Variants in ACSM1 observed in about 807,000 individuals in gnomAD.
The protein encoded by ACSM1 is acyl-coenzyme A synthetase ACSM1, mitochondrial.
A neutral mutation model predicts 75.8 loss-of-function variants in ACSM1; 79 were observed. That is an observed-to-expected ratio of 1.04 (90% confidence interval 0.87 to 1.26). The LOEUF (loss-of-function observed/expected upper bound fraction) is 1.26, where lower values mean the gene tolerates loss of function less well. Among genes scored for constraint, ACSM1 ranks in the 50% most tolerant of loss-of-function variants. The pLI, the probability that ACSM1 is intolerant of heterozygous loss-of-function variation, is 0.00. For missense variants in ACSM1, 676 were observed against 720.1 expected (o/e 0.94, Z 0.70); for synonymous variants, 279 against 265.8 (o/e 1.05, Z -0.48).
At chr16:20,672,917 CAT>C (rs71377676) in intron 4 of ACSM1, among the ~76,000 whole-genome samples, 14,038 of 128,624 alleles carry the variant, frequency 0.11, 861 homozygotes, top group East Asian at 0.21. Context: ...ATATATAAAA[CAT>C]ATTACATATA....
chr16:20,625,322 G>A lies in ACSM1; in HGVS notation c.1527+101C>T, dbSNP rs2016853835. ...CCGTGTAAACGCACATGCACACTATGCCCTTCCACCAAGGCTGCACAGGTA... is the reference window on the plus strand; with the variant it reads ...CCGTGTAAACGCACATGCACACTATACCCTTCCACCAAGGCTGCACAGGTA... On this transcript the variant is annotated intron_variant, in intron 12 of 13. Transcript: ENST00000520010. 7.0e-6 allele frequency: 8 copies of A among 1,135,006 alleles called. 1 individual carries two copies. In the South Asian group the frequency reaches 8.7e-5, roughly 12 times the overall value. The allele number at this position is 1,135,006 out of a possible 1,614,324, so 70.3% of individuals were successfully genotyped here. A position where few individuals can be genotyped will look rare whatever the true frequency, so the allele number is the denominator to read the frequency against.
At chr16:20,660,309 G>T (rs1430297131) in intron 7 of ACSM1, among the ~76,000 whole-genome samples, 2 of 152,286 alleles carry the variant, frequency 1.3e-5, no homozygotes, top group East Asian at 3.9e-4. Context: ...AAGCCAGCTG[G>T]ATGCATCTAG....
intron 3 of ACSM1, among the ~76,000 whole-genome samples, chr16:20,683,152 C>G (rs985304681): frequency 6.6e-6 from 1 of 151,856 alleles, no homozygotes; most frequent in Admixed American, 6.6e-5. Context: ...GAGTCTCCCC[C>G]TGTCACCCAG....
intron 7 of ACSM1, among the ~76,000 whole-genome samples, chr16:20,647,093 T>C (rs2018409574): frequency 6.6e-6 from 1 of 152,248 alleles, no homozygotes. Context: ...CTGTTTCTCA[T>C]TATCAGTGGC....
At position 20,682,540 on chromosome 16, in the gene ACSM1, G is replaced by C. The variant is rs9927399; in HGVS notation, c.404-77C>G. ...GCTTTAGACTTGGCTTGTCTGCATCGAAATACCCTAACTTCTTGTTATGTA... is the reference window on the plus strand; with the variant it reads ...GCTTTAGACTTGGCTTGTCTGCATCCAAATACCCTAACTTCTTGTTATGTA... On this transcript the variant is annotated intron_variant, in intron 3 of 13. Transcript: ENST00000520010. 4 of 1,144,128 alleles carry C rather than the reference G, an allele frequency of 3.5e-6. No individual in the cohort carries two copies. In the East Asian group the frequency reaches 9.7e-5, roughly 28 times the overall value. The allele number at this position is 1,144,128 out of a possible 1,614,324, so 70.9% of individuals were successfully genotyped here.
At chr16:20,689,410 G>T (rs934360236) in intron 2 of ACSM1, among the ~76,000 whole-genome samples, 1 of 151,924 alleles carries the variant, frequency 6.6e-6, no homozygotes, top group African/African-American at 2.4e-5. Flanking sequence ...AAAGCTATAA[G>T]ACATCAAGAA....
chr16:20,649,367 A>G (rs1392854731), intron 7 of ACSM1, among the ~76,000 whole-genome samples: 2 of 152,194 alleles, frequency 1.3e-5, no homozygotes, highest in African/African-American at 4.8e-5. Flanking sequence ...TTTACCCCTG[A>G]ACATATTTCT....
chr16:20,691,399 C>A lies in ACSM1; in HGVS notation c.-51-160G>T, dbSNP rs2079650473. Reference sequence around the variant, plus strand: ...TTTTGGTGGGGATTTATCTTCCCAGCTGAGGAACCACATGGCAGAAAACGC... The same window carrying A: ...TTTTGGTGGGGATTTATCTTCCCAGATGAGGAACCACATGGCAGAAAACGC... On this transcript the variant is annotated intron_variant, in intron 1 of 13. Transcript: ENST00000520010. 8.0e-6 allele frequency: 4 copies of A among 502,032 alleles called. No homozygotes were observed. The Admixed American group carries it at 1.2e-4, about 16-fold the overall frequency. 31.1% of individuals were successfully genotyped at this position (502,032 alleles called of 1,614,324 possible).
chr16:20,675,724 A>C (rs964549172), intron 4 of ACSM1, among the ~76,000 whole-genome samples: 1 of 152,216 alleles, frequency 6.6e-6, no homozygotes, highest in African/African-American at 2.4e-5. Context: ...GTGTGTTTTA[A>C]GGTAGTGACT....
chr16:20,644,461 A>T (rs1357677566), intron 7 of ACSM1, among the ~76,000 whole-genome samples: 1 of 152,160 alleles, frequency 6.6e-6, no homozygotes, highest in African/African-American at 2.4e-5. Context: ...TCTTAATTAC[A>T]TACAGAGGAC....
At chr16:20,666,981 A>C (rs1396873088) in intron 6 of ACSM1, among the ~76,000 whole-genome samples, 1 of 152,228 alleles carries the variant, frequency 6.6e-6, no homozygotes. Context: ...AAAACATTAC[A>C]CTGTAAATAT....
chr16:20,659,069 A>G (rs1441095091), intron 7 of ACSM1, among the ~76,000 whole-genome samples: 1 of 152,172 alleles, frequency 6.6e-6, no homozygotes, highest in African/African-American at 2.4e-5. Flanking sequence ...ATACAGCAAA[A>G]GGGAAAGGCA....
At chr16:20,641,331 T>G (rs2018047285) in intron 7 of ACSM1, among the ~76,000 whole-genome samples, 1 of 152,228 alleles carries the variant, frequency 6.6e-6, no homozygotes, top group African/African-American at 2.4e-5. Flanking sequence ...TATCTATTAA[T>G]GCAGCCATGC....
At chr16:20,652,590 A>C (rs2018705007) in intron 7 of ACSM1, among the ~76,000 whole-genome samples, 1 of 152,196 alleles carries the variant, frequency 6.6e-6, no homozygotes, top group Non-Finnish European at 1.5e-5. Context: ...GATACCACAG[A>C]AATACAAACT....
At chr16:20,677,057 G>C (rs562112268) in intron 4 of ACSM1, among the ~76,000 whole-genome samples, 1 of 152,098 alleles carries the variant, frequency 6.6e-6, no homozygotes, top group East Asian at 1.9e-4. Context: ...CAATCTGTTT[G>C]TGCACTTCCT....
chr16:20,644,425 G>A (rs2018245205), intron 7 of ACSM1, among the ~76,000 whole-genome samples: 1 of 152,096 alleles, frequency 6.6e-6, no homozygotes, highest in South Asian at 2.1e-4. Flanking sequence ...CCTTAACCCA[G>A]CAGATTTCTT....
chr16:20,685,829 AAACAAACAAAAAAAAAAC>A (rs1397236361), intron 2 of ACSM1, among the ~76,000 whole-genome samples: 8 of 92,794 alleles, frequency 8.6e-5, no homozygotes, highest in South Asian at 3.9e-4. Flanking sequence ...CAAAAAAAAA[AAACAAACAAAAAAAAAAC>A]AAAAAACTTA....
chr16:20,629,436 C>T (rs1596785767), intron 10 of ACSM1, among the ~76,000 whole-genome samples: 1 of 150,718 alleles, frequency 6.6e-6, no homozygotes, highest in Admixed American at 6.6e-5. Context: ...AGAATATAAA[C>T]AAAAGAAAAT....
At chr16:20,624,311 C>A (rs1030738411) in intron 12 of ACSM1, 96 bp from the exon 13 acceptor site, 210 of 1,410,370 alleles carry the variant, frequency 1.5e-4, no homozygotes, top group Non-Finnish European at 1.9e-4. Flanking sequence ...CAAGGTGACA[C>A]TGAACCCTAC....
Sources: allele counts gnomAD v4.1 joint callset (sites outside exome capture counted in the v4.1 genomes callset), GRCh38; gene constraint gnomAD v4.1.1; transcripts MANE v1.5; gene names NCBI Gene and HGNC (gene_info 2026-07-23, HGNC 2026-07-21).